Variants in PDE10A observed in about 807,000 individuals in gnomAD.
PDE10A encodes cAMP and cAMP-inhibited cGMP 3',5'-cyclic phosphodiesterase 10A.
Under a neutral mutation model 97.7 loss-of-function variants are expected in PDE10A, and 39 were observed. The observed-to-expected ratio is 0.40, with a 90% confidence interval of 0.31 to 0.52. The LOEUF (loss-of-function observed/expected upper bound fraction) is 0.52. PDE10A is among the 20% of genes least tolerant of loss of function. The pLI is 0.56. For missense variants in PDE10A, 731 were observed against 1,047.8 expected, an observed-to-expected ratio of 0.70 and a Z score of 4.17; for synonymous variants, 371 against 376.8, an observed-to-expected ratio of 0.98 and a Z score of 0.18.
At chr6:165,430,646 G>A (rs1789487008) in intron 8 of PDE10A, among the ~76,000 whole-genome samples, 1 of 152,102 alleles carries the variant, frequency 6.6e-6, no homozygotes, top group African/African-American at 2.4e-5. Context: ...GAATTAATAA[G>A]TGATAGAAGC....
chr6:165,908,378 T>G (rs1782357189), intron 1 of PDE10A, among the ~76,000 whole-genome samples: 1 of 152,192 alleles, frequency 6.6e-6, no homozygotes, highest in African/African-American at 2.4e-5. Flanking sequence ...TAAAATGTCT[T>G]GGGCTACCGT....
At chr6:165,560,958 A>G (rs1420077724) in intron 1 of PDE10A, among the ~76,000 whole-genome samples, 1 of 152,158 alleles carries the variant, frequency 6.6e-6, no homozygotes, top group African/African-American at 2.4e-5. Flanking sequence ...AGTGGCTCAT[A>G]CCTGTAATCC....
chr6:165,672,490 TGGTGGTAC>T (rs754769375), intron 1 of PDE10A, among the ~76,000 whole-genome samples: 5 of 152,338 alleles, frequency 3.3e-5, no homozygotes, highest in South Asian at 2.1e-4. Flanking sequence ...AGTGGTTGGA[TGGTGGTAC>T]GGTTTGGCTG....
chr6:165,550,758 A>G (rs1286642895), intron 1 of PDE10A, among the ~76,000 whole-genome samples: 1 of 152,236 alleles, frequency 6.6e-6, no homozygotes, highest in East Asian at 1.9e-4. Context: ...ATGTTTAGGA[A>G]ACAAGGCTTC....
At chr6:165,977,438 A>T (rs1784884078) in intron 1 of PDE10A, among the ~76,000 whole-genome samples, 2 of 152,156 alleles carry the variant, frequency 1.3e-5, no homozygotes, top group South Asian at 4.1e-4. Context: ...AGCGTCCTCA[A>T]AGCAAGCACA....
intron 1 of PDE10A, among the ~76,000 whole-genome samples, chr6:165,870,409 C>T (rs1363462366): frequency 6.6e-6 from 1 of 152,128 alleles, no homozygotes; most frequent in Non-Finnish European, 1.5e-5. Flanking sequence ...GATATTGTCT[C>T]ACTCCATCCA....
intron 1 of PDE10A, among the ~76,000 whole-genome samples, chr6:165,827,491 G>A (rs900172523): frequency 6.6e-5 from 10 of 152,136 alleles, no homozygotes; most frequent in Non-Finnish European, 2.9e-5. Flanking sequence ...GCTGCCTCCC[G>A]CAAAACGCCA....
intron 1 of PDE10A, among the ~76,000 whole-genome samples, chr6:165,729,339 A>C (rs980217606): frequency 6.6e-6 from 1 of 152,240 alleles, no homozygotes; most frequent in African/African-American, 2.4e-5. Context: ...TAACTTAAAT[A>C]TATAAACAGA....
At position 165,374,632 on chromosome 6, in the gene PDE10A, G is replaced by T. The variant is rs1784494376; in HGVS notation, c.2783+4562C>A. 2.6e-5 allele frequency among the ~76,000 whole-genome samples: 4 copies of T among 152,148 alleles called. 1 individual carries two copies. In the South Asian group the frequency reaches 8.3e-4, roughly 32 times the overall value. ...TTTTCACCTTTATGTTAGAAGGAGT[G>T]TGAATTTCTATAGCCTTTTCTGAGA... On this transcript the variant is annotated intron_variant, in intron 18 of 21. Coordinates refer to ENST00000539869, the MANE Select transcript of PDE10A (RefSeq NM_001385079.1).
intron 1 of PDE10A, among the ~76,000 whole-genome samples, chr6:165,812,931 A>C (rs1380704832): frequency 6.6e-6 from 1 of 152,200 alleles, no homozygotes; most frequent in East Asian, 1.9e-4. Context: ...TCCTGGGCTT[A>C]TTCCAGTACT....
At chr6:165,458,527 G>T (rs773455596) in intron 3 of PDE10A, among the ~76,000 whole-genome samples, 2 of 151,988 alleles carry the variant, frequency 1.3e-5, no homozygotes, top group Non-Finnish European at 2.9e-5. Flanking sequence ...TGTTTATTAC[G>T]CCACCAGTCT....
chr6:165,366,219 T>G (rs921790694), intron 18 of PDE10A, among the ~76,000 whole-genome samples: 1 of 152,200 alleles, frequency 6.6e-6, no homozygotes, highest in African/African-American at 2.4e-5. Context: ...CATATTAGAA[T>G]GTGCTTGCTT....
At chr6:165,554,935 T>C (rs543644714) in intron 1 of PDE10A, among the ~76,000 whole-genome samples, 5 of 152,314 alleles carry the variant, frequency 3.3e-5, no homozygotes, top group Non-Finnish European at 5.9e-5. Flanking sequence ...AAACATCGCA[T>C]GTTCTCATTT....
chr6:165,758,530 AGAG>A lies in PDE10A; in HGVS notation c.-614-214965_-614-214963del, dbSNP rs1347381216. The stretch of plus-strand genomic sequence containing the variant: ...AGAAGAAAGAAGAAGAAGAAGAAGA[AGAG>A]GAAGAGGAAGAGGAAGAAGAAGAGG... On this transcript the variant is annotated intron_variant, in intron 1 of 19. Transcript: ENST00000366882. Among the ~76,000 whole-genome samples the A allele has an allele frequency of 2.1e-4, 31 of 149,190 alleles. 1 individual carries two copies. The highest frequency in any genetic ancestry group is 7.2e-4 in the African/African-American group (29 of 40,298).
At chr6:165,603,764 C>T (rs1024731370) in intron 1 of PDE10A, among the ~76,000 whole-genome samples, 4 of 152,168 alleles carry the variant, frequency 2.6e-5, no homozygotes, top group African/African-American at 9.7e-5. Context: ...AGTTCAATGA[C>T]GTATGTGTTA....
At chr6:165,806,674 C>T (rs1236495991) in intron 1 of PDE10A, among the ~76,000 whole-genome samples, 1 of 151,046 alleles carries the variant, frequency 6.6e-6, no homozygotes, top group African/African-American at 2.4e-5. Flanking sequence ...CTTCTTTAGA[C>T]TTTGATGAGG....
rs557128247 is a variant in PDE10A at position 165,330,795 on chromosome 6, A to G, written c.*2230T>C. ...CTTTTAAAATTCTTGTAATTAAACA[A>G]TAATCTTAAATAATATATCCCTTCC... On this transcript the variant is annotated 3_prime_UTR_variant, in exon 22 of 22. Transcript: ENST00000539869. The G allele has an allele frequency of 6.6e-6, 1 of 152,310 alleles. No individual in the cohort carries two copies. The highest frequency in any genetic ancestry group is 1.9e-4 in the East Asian group (1 of 5,180). 9.4% of individuals were successfully genotyped at this position (152,310 alleles called of 1,614,324 possible).
intron 3 of PDE10A, 37 bp downstream of exon 3, chr6:165,482,278 A>G: frequency 7.5e-7 from 1 of 1,340,054 alleles, no homozygotes. Context: ...TTCATTTCCT[A>G]TACTGCAGTA....
At chr6:165,667,078 C>A (rs533722383), upstream of PDE10A, among the ~76,000 whole-genome samples, 31 of 152,302 alleles carry the variant, frequency 2.0e-4, no homozygotes, top group South Asian at 4.1e-4. Context: ...CATTATAATT[C>A]TGGTTTTAAA....
Sources: gnomAD v4.1 joint callset for allele counts (sites outside exome capture counted in the v4.1 genomes callset) on GRCh38, gnomAD v4.1.1 for gene constraint, MANE v1.5 for transcripts, NCBI Gene and HGNC (gene_info 2026-07-23, HGNC 2026-07-21) for gene names.